The following MVB12B variants were observed in gnomAD, a reference collection of about 807,000 sequenced individuals.
MVB12B encodes ESCRT-I complex subunit MVB12B.
In MVB12B, 16 loss-of-function variants were observed where a neutral mutation model predicts 41.6. The ratio of observed to expected loss-of-function variants is 0.38; its 90% CI spans 0.26 to 0.58. The LOEUF is 0.58. Ranked by LOEUF, MVB12B falls within the 20% of genes least tolerant of loss-of-function variation. MVB12B has a pLI of 0.62. For missense variants in MVB12B, 274 were observed against 380.2 expected, an observed-to-expected ratio of 0.72 and a Z score of 2.32; for synonymous variants, 133 against 139.7, an observed-to-expected ratio of 0.95 and a Z score of 0.34.
Position 126,336,316 on chromosome 9 carries a change from G to A in MVB12B, c.82-4192G>A, listed in dbSNP as rs114690897. On this transcript the variant is annotated intron_variant, in intron 1 of 9. Transcript: ENST00000361171. Reference sequence around the variant, plus strand: ...TTTTCAACTGTGATACAGTAGCTCTGTTTTCTCCCAGACTGGGGCCGGGAG... The same window carrying A: ...TTTTCAACTGTGATACAGTAGCTCTATTTTCTCCCAGACTGGGGCCGGGAG... Among the ~76,000 whole-genome samples, 967 of 152,366 alleles carry A rather than the reference G, an allele frequency of 6.3e-3. 14 individuals are homozygous for A. Among genetic ancestry groups the A allele is most frequent in the African/African-American group, 0.022 (913 of 41,592 alleles).
In MVB12B at chr9:126,333,095, G is replaced by GT. The variant is rs112885125; in HGVS notation, c.81+6094dup. On this transcript the variant is annotated intron_variant, in intron 1 of 9. Coordinates refer to ENST00000361171, the MANE Select transcript of MVB12B (RefSeq NM_033446.3). This position sits in a 1 kb window ranked among gnomAD's most constrained non-coding sequence, Gnocchi z 4.7. ...AGATGTGACCCTGGTGTTTTGTTTT[G>GT]TTTTTTTTTGAGACAGACTCTCACT... Among the ~76,000 whole-genome samples, 8 of 151,702 alleles carry GT rather than the reference G, an allele frequency of 5.3e-5. No individual in the cohort carries two copies. Among genetic ancestry groups the GT allele is most frequent in the Admixed American group, 3.3e-4 (5 of 15,214 alleles).
At chr9:126,428,426 T>A (rs1389139839) in intron 7 of MVB12B, among the ~76,000 whole-genome samples, 4 of 152,300 alleles carry the variant, frequency 2.6e-5, no homozygotes, top group Non-Finnish European at 5.9e-5. Context: ...TAAAAACTCA[T>A]CTACAGCATA....
intron 2 of MVB12B, among the ~76,000 whole-genome samples, chr9:126,359,740 T>G (rs1218323960): frequency 6.6e-6 from 1 of 152,200 alleles, no homozygotes; most frequent in Admixed American, 6.5e-5. Context: ...ATGTACTCTC[T>G]TTTATTCCCA....
intron 6 of MVB12B, among the ~76,000 whole-genome samples, chr9:126,416,096 G>A (rs542164109): frequency 1.9e-4 from 29 of 152,328 alleles, no homozygotes; most frequent in African/African-American, 6.7e-4. Context: ...AGCCGTGGGC[G>A]GGTTTGGATT....
chr9:126,416,402 C>T (rs1831826683), intron 6 of MVB12B, among the ~76,000 whole-genome samples: 1 of 152,194 alleles, frequency 6.6e-6, no homozygotes, highest in Non-Finnish European at 1.5e-5. Flanking sequence ...GCACTGCCCT[C>T]AACCACTACA....
chr9:126,329,723 G>T (rs1588075866), intron 1 of MVB12B, among the ~76,000 whole-genome samples: 1 of 152,256 alleles, frequency 6.6e-6, no homozygotes, highest in East Asian at 1.9e-4. Flanking sequence ...GGGAAAAGTC[G>T]AAGGTGCTAT....
In MVB12B at chr9:126,492,290, A is replaced by G. The variant is rs368198360; in HGVS notation, c.873+8258A>G. ...TTTATGATTATGCCATAATTTATCT[A>G]ACCAATCCACTATTGACTGACTTTT... On this transcript the variant is annotated intron_variant, in intron 9 of 9. Coordinates refer to ENST00000361171, the MANE Select transcript of MVB12B (RefSeq NM_033446.3). 1.3e-4 allele frequency among the ~76,000 whole-genome samples: 19 copies of G among 151,558 alleles called. No individual in the cohort carries two copies. The East Asian group carries it at 3.3e-3, about 26-fold the overall frequency.
chr9:126,400,891 C>G (rs1221939867), intron 6 of MVB12B, among the ~76,000 whole-genome samples: 1 of 152,216 alleles, frequency 6.6e-6, no homozygotes, highest in Non-Finnish European at 1.5e-5. Context: ...GGTATTCTGT[C>G]CCTTTCAGAG....
intron 2 of MVB12B, among the ~76,000 whole-genome samples, chr9:126,369,662 T>G (rs751410867): frequency 1.3e-5 from 2 of 152,186 alleles, no homozygotes; most frequent in African/African-American, 2.4e-5. Flanking sequence ...TTGTTTGTTT[T>G]TTTGTTTTTT....
intron 5 of MVB12B, among the ~76,000 whole-genome samples, chr9:126,393,950 G>A (rs979997542): frequency 6.6e-6 from 1 of 152,226 alleles, no homozygotes; most frequent in African/African-American, 2.4e-5. Context: ...GCCTAGACCC[G>A]GTGAGACAGC....
rs762026057 is a variant in MVB12B at position 126,376,321 on chromosome 9, C to T, written c.205-4743C>T. On this transcript the variant is annotated intron_variant, in intron 2 of 9. Coordinates refer to ENST00000361171, the MANE Select transcript of MVB12B (RefSeq NM_033446.3). The surrounding 1 kb of genome is among the most constrained non-coding windows in gnomAD (Gnocchi z 4.1). ...ACAGACTGGGTTCTCTGTCCTGAGCCGGCACTGTTTCCCCCTATTCTCTTT... is the reference window on the plus strand; with the variant it reads ...ACAGACTGGGTTCTCTGTCCTGAGCTGGCACTGTTTCCCCCTATTCTCTTT... The T allele has an allele frequency of 6.1e-5, 23 of 374,450 alleles. No homozygotes were observed. Among genetic ancestry groups the T allele is most frequent in the African/African-American group, 1.5e-4 (7 of 47,342 alleles). 23.2% of individuals were successfully genotyped at this position (374,450 alleles called of 1,614,324 possible). A position where few individuals can be genotyped will look rare whatever the true frequency, so the allele number is the denominator to read the frequency against.
Position 126,367,570 on chromosome 9 carries a change from TCTC to T in MVB12B, c.205-13491_205-13489del, listed in dbSNP as rs1048793385. Among the ~76,000 whole-genome samples, 35 of 152,132 alleles carry T rather than the reference TCTC, an allele frequency of 2.3e-4. No homozygotes were observed. The highest frequency in any genetic ancestry group is 7.7e-4 in the African/African-American group (32 of 41,430). ...TTTATCCTCCCAGCAGCCTGCCTCT[TCTC>T]CTTCTGCCTTATGCTTGCTTTTGAG... On this transcript the variant is annotated intron_variant, in intron 2 of 9. Transcript: ENST00000361171. The surrounding 1 kb of genome is among the most constrained non-coding windows in gnomAD (Gnocchi z 4.3).
intron 7 of MVB12B, among the ~76,000 whole-genome samples, chr9:126,467,525 C>G (rs145434297): frequency 6.6e-6 from 1 of 152,190 alleles, no homozygotes; most frequent in Non-Finnish European, 1.5e-5. Context: ...ACTTGTTCCT[C>G]ATCAGATTTT....
At chr9:126,404,637 C>T (rs1022674713) in intron 6 of MVB12B, among the ~76,000 whole-genome samples, 2 of 152,324 alleles carry the variant, frequency 1.3e-5, no homozygotes, top group South Asian at 2.1e-4. Context: ...GGTCAGAAAC[C>T]GCCTAAGCGG....
At chr9:126,334,079 G>A (rs1466789418) in intron 1 of MVB12B, among the ~76,000 whole-genome samples, 1 of 152,154 alleles carries the variant, frequency 6.6e-6, no homozygotes, top group Non-Finnish European at 1.5e-5. Context: ...GGTGATTTTT[G>A]CACATGCTAA....
rs565843409 is a variant in MVB12B at position 126,395,604 on chromosome 9, G to A, written c.569G>A (p.Arg190Gln). Residue 190 changes from arginine to glutamine, a missense_variant, in exon 6 of 10, where the codon CGA becomes CAA. Physicochemically the swap from Arg to Gln is conservative, Grantham distance 43. Transcript: ENST00000361171. This position sits in a 1 kb window ranked among gnomAD's most constrained non-coding sequence, Gnocchi z 4.9. ...GELNSMGIWY[R>Q]MGRVPRNHDS... ...CTGAACAGCATGGGGATCTGGTATC[G>A]AATGGGCAGAGTACCAAGAAATCAT... The A allele has an allele frequency of 1.8e-5, 29 of 1,614,122 alleles. 1 individual carries two copies. The highest frequency in any genetic ancestry group is 1.4e-4 in the South Asian group (13 of 91,062).
chr9:126,412,766 G>C (rs1218590873), intron 6 of MVB12B, among the ~76,000 whole-genome samples: 1 of 152,136 alleles, frequency 6.6e-6, no homozygotes, highest in African/African-American at 2.4e-5. Context: ...CTGTACTGTA[G>C]CTTAGCCGTG....
chr9:126,393,355 C>G (rs1212131867), intron 5 of MVB12B, among the ~76,000 whole-genome samples: 1 of 152,198 alleles, frequency 6.6e-6, no homozygotes, highest in African/African-American at 2.4e-5. Flanking sequence ...GTTTCCCCCT[C>G]GAGGAGGCCT....
intron 2 of MVB12B, among the ~76,000 whole-genome samples, chr9:126,374,562 G>A (rs745840267): frequency 2.0e-5 from 3 of 152,222 alleles, no homozygotes; most frequent in Non-Finnish European, 2.9e-5. Context: ...GGTCCCGAAA[G>A]GTTTGTAGAG....
Sources: gnomAD v4.1 joint callset for allele counts (sites outside exome capture counted in the v4.1 genomes callset) on GRCh38, gnomAD v4.1.1 for gene constraint, Gnocchi (gnomAD v3.1) non-coding constraint, MANE v1.5 for transcripts, NCBI Gene and HGNC (gene_info 2026-07-23, HGNC 2026-07-21) for gene names.